Variants in INPP4B observed in about 807,000 individuals in gnomAD.
The protein encoded by INPP4B is inositol polyphosphate-4-phosphatase type II B.
A neutral mutation model predicts 122.5 loss-of-function variants in INPP4B; 55 were observed. The observed-to-expected ratio is 0.45, with a 90% confidence interval of 0.36 to 0.56. The LOEUF is 0.56. INPP4B is among the 20% of genes least tolerant of loss of function. The pLI, the probability that INPP4B is intolerant of heterozygous loss-of-function variation, is 0.00. For missense variants in INPP4B, 1,000 were observed against 1,097.7 expected, an observed-to-expected ratio of 0.91 and a Z score of 1.26; for synonymous variants, 403 against 388.7, an observed-to-expected ratio of 1.04 and a Z score of -0.43.
chr4:142,310,787 G>T (rs1226236008), intron 8 of INPP4B, among the ~76,000 whole-genome samples: 1 of 148,396 alleles, frequency 6.7e-6, no homozygotes, highest in African/African-American at 2.5e-5. Flanking sequence ...ACATCAAAAA[G>T]AAAAAATAAT....
At chr4:142,192,285 A>G (rs1456202468) in intron 15 of INPP4B, among the ~76,000 whole-genome samples, 1 of 149,966 alleles carries the variant, frequency 6.7e-6, no homozygotes, top group African/African-American at 2.4e-5. Context: ...CATGGTTAAA[A>G]AAAAAAGAAA....
At chr4:142,441,040 A>C (rs1302172990) in intron 3 of INPP4B, among the ~76,000 whole-genome samples, 1 of 151,952 alleles carries the variant, frequency 6.6e-6, no homozygotes, top group Non-Finnish European at 1.5e-5. Flanking sequence ...CGGAGATCAG[A>C]GAAAAAGCTT....
chr4:142,221,377 A>G, intron 12 of INPP4B, among the ~76,000 whole-genome samples: 1 of 141,766 alleles, frequency 7.1e-6, no homozygotes, highest in Non-Finnish European at 1.5e-5. Context: ...GTGACAGAGC[A>G]AGACTCCTTC....
At chr4:142,378,628 A>G (rs1365408661) in intron 7 of INPP4B, among the ~76,000 whole-genome samples, 1 of 152,164 alleles carries the variant, frequency 6.6e-6, no homozygotes, top group African/African-American at 2.4e-5. Flanking sequence ...CTCTCCTTAG[A>G]GAGGAGAATA....
At chr4:142,319,386 T>G (rs772563250) in intron 7 of INPP4B, among the ~76,000 whole-genome samples, 4 of 152,242 alleles carry the variant, frequency 2.6e-5, no homozygotes, top group Non-Finnish European at 5.9e-5. Flanking sequence ...GTTACTCTAA[T>G]TCTCTATGTA....
chr4:142,229,762 C>T (rs1412441348), intron 12 of INPP4B, among the ~76,000 whole-genome samples: 6 of 152,198 alleles, frequency 3.9e-5, no homozygotes, highest in Non-Finnish European at 2.9e-5. Context: ...CCAAATAATA[C>T]TACAAGGAAT....
At chr4:142,122,861 A>C (rs1203295021) in intron 20 of INPP4B, among the ~76,000 whole-genome samples, 1 of 152,116 alleles carries the variant, frequency 6.6e-6, no homozygotes, top group East Asian at 1.9e-4. Context: ...TATCAATATA[A>C]AATATCTTTT....
intron 7 of INPP4B, among the ~76,000 whole-genome samples, chr4:142,375,952 T>A (rs1252598429): frequency 6.6e-6 from 1 of 151,960 alleles, no homozygotes; most frequent in Admixed American, 6.6e-5. Flanking sequence ...ACAATAAAAA[T>A]CTTGTCACTG....
At chr4:142,763,605 G>A (rs1292430042) in intron 1 of INPP4B, among the ~76,000 whole-genome samples, 1 of 152,046 alleles carries the variant, frequency 6.6e-6, no homozygotes, top group Non-Finnish European at 1.5e-5. Context: ...AAACTTGGAA[G>A]CCATAAATAT....
chr4:142,089,981 C>T (rs1041802793), intron 23 of INPP4B, among the ~76,000 whole-genome samples: 4 of 152,160 alleles, frequency 2.6e-5, no homozygotes, highest in African/African-American at 9.7e-5. Context: ...CAAATCTCTG[C>T]TGATGTTTTT....
intron 1 of INPP4B, among the ~76,000 whole-genome samples, chr4:142,736,605 T>C (rs1766944931): frequency 6.6e-6 from 1 of 152,198 alleles, no homozygotes; most frequent in East Asian, 1.9e-4. Context: ...TGTTTGTCTG[T>C]TATTGGTATA....
chr4:142,216,757 G>T (rs945861918), intron 12 of INPP4B, among the ~76,000 whole-genome samples: 1 of 152,044 alleles, frequency 6.6e-6, no homozygotes, highest in African/African-American at 2.4e-5. Context: ...TAAAACACAA[G>T]CTATTTAAAA....
chr4:142,416,867 TA>T (rs1805881907), intron 5 of INPP4B, among the ~76,000 whole-genome samples: 4 of 152,150 alleles, frequency 2.6e-5, no homozygotes, highest in Admixed American at 2.0e-4. Context: ...ACAAGCTTCA[TA>T]CAGATAAGCT....
chr4:142,118,976 G>T (rs1039513365), intron 21 of INPP4B, among the ~76,000 whole-genome samples: 29 of 152,222 alleles, frequency 1.9e-4, no homozygotes, highest in African/African-American at 6.5e-4. Context: ...CCATCAAAAA[G>T]TGGGCAAAGG....
At chr4:142,372,919 A>G (rs984856046) in intron 7 of INPP4B, among the ~76,000 whole-genome samples, 3 of 152,140 alleles carry the variant, frequency 2.0e-5, no homozygotes, top group East Asian at 1.9e-4. Flanking sequence ...TTTTACTTCA[A>G]TCTAGGCCTT....
At chr4:142,356,931 A>G (rs1010051725) in intron 7 of INPP4B, among the ~76,000 whole-genome samples, 2 of 151,954 alleles carry the variant, frequency 1.3e-5, no homozygotes, top group African/African-American at 2.4e-5. Flanking sequence ...TGAAGCCTCA[A>G]TAAAGAACCC....
Position 142,535,889 on chromosome 4 carries a change from C to T in INPP4B, c.-190-73163G>A, listed in dbSNP as rs1828138738. On this transcript the variant is annotated intron_variant, in intron 2 of 25. Transcript: ENST00000262992. ...AATTTCCAGGCTGATATCTTCAGTT[C>T]CCTCTAGAACATTTCCAACTGGATG... Among the ~76,000 whole-genome samples the T allele has an allele frequency of 2.6e-5, 4 of 152,132 alleles. No individual in the cohort carries two copies. In the South Asian group the frequency reaches 8.3e-4, roughly 31 times the overall value.
chr4:142,173,661 T>C lies in INPP4B; in HGVS notation c.1330A>G (p.Lys444Glu). The change falls in exon 16 of 26, where the codon AAG becomes GAG. Residue 444 changes from lysine (K) to glutamate (E), a missense_variant. Physicochemically the swap from Lys to Glu is moderately conservative, Grantham distance 56. Coordinates refer to ENST00000262992, the MANE Select transcript of INPP4B (RefSeq NM_001101669.3). ...SASQHSPDSL[K>E]NSLKMLSEKT... ...TCTGAAAGCATCTTTAAAGAATTCT[T>C]CAAGCTGTCTGGAGAATGCTGGCTT... is the stretch of plus-strand genomic sequence containing the variant. The C allele has an allele frequency of 6.2e-7, 1 of 1,612,618 alleles. No homozygotes were observed. Among genetic ancestry groups the C allele is most frequent in the Non-Finnish European group, 8.5e-7 (1 of 1,179,196 alleles).
chr4:142,594,143 A>G (rs1738156666), intron 2 of INPP4B, among the ~76,000 whole-genome samples: 2 of 152,218 alleles, frequency 1.3e-5, no homozygotes, highest in South Asian at 4.1e-4. Context: ...ATTTAACTCA[A>G]GCATTGTAAA....
Sources: allele counts gnomAD v4.1 joint callset (sites outside exome capture counted in the v4.1 genomes callset), GRCh38; gene constraint gnomAD v4.1.1; transcripts MANE v1.5; gene names NCBI Gene and HGNC (gene_info 2026-07-23, HGNC 2026-07-21).